Variants in EBF2 observed in about 807,000 individuals in gnomAD.
The protein encoded by EBF2 is EBF transcription factor 2.
EBF2 carries 21 observed loss-of-function variants against 72.8 expected under a neutral mutation model. The ratio of observed to expected loss-of-function variants is 0.29; its 90% CI spans 0.20 to 0.42. The LOEUF (loss-of-function observed/expected upper bound fraction) is 0.42, where lower values mean the gene tolerates loss of function less well. Ranked by LOEUF, EBF2 falls within the 10% of genes least tolerant of loss-of-function variation. EBF2 has a pLI of 1.00. For missense variants in EBF2, 637 were observed against 731.2 expected, an observed-to-expected ratio of 0.87 and a Z score of 1.49; for synonymous variants, 299 against 274.2, an observed-to-expected ratio of 1.09 and a Z score of -0.89.
intron 7 of EBF2, among the ~76,000 whole-genome samples, chr8:25,903,066 T>C (rs377240297): frequency 3.3e-5 from 5 of 152,214 alleles, no homozygotes; most frequent in Admixed American, 6.5e-5. Context: ...ATGTATTTAA[T>C]TTTTATGGAT....
chr8:26,022,615 G>A (rs530331934), intron 6 of EBF2, among the ~76,000 whole-genome samples: 95 of 152,228 alleles, frequency 6.2e-4, no homozygotes, highest in African/African-American at 1.2e-3. Flanking sequence ...CATCACATCC[G>A]TGGAGTTAGG....
chr8:25,867,905 T>C (rs1563381981), intron 10 of EBF2, among the ~76,000 whole-genome samples: 1 of 152,200 alleles, frequency 6.6e-6, no homozygotes, highest in Admixed American at 6.5e-5. Flanking sequence ...AAATCATCCA[T>C]TTCATCAAGA....
chr8:25,863,636 C>A lies in EBF2; in HGVS notation c.1010-839G>T, dbSNP rs78914337. ...AAGATACAAAGAATGAAATAATCAC[C>A]TGCACTGCTGTTATGCAGCAATAAA... On this transcript the variant is annotated intron_variant, in intron 10 of 15. Transcript: ENST00000520164. Among the ~76,000 whole-genome samples the A allele has an allele frequency of 2.4e-3, 367 of 152,164 alleles. 4 individuals carry two copies. Among genetic ancestry groups the A allele is most frequent in the African/African-American group, 8.4e-3 (350 of 41,514 alleles).
At chr8:26,019,582 C>A (rs527510458) in intron 6 of EBF2, among the ~76,000 whole-genome samples, 21 of 152,284 alleles carry the variant, frequency 1.4e-4, no homozygotes, top group Admixed American at 7.8e-4. Context: ...CTGGTTATGG[C>A]CCTGTACAGA....
chr8:25,856,121 A>T (rs538656296), intron 14 of EBF2, among the ~76,000 whole-genome samples: 1 of 152,306 alleles, frequency 6.6e-6, no homozygotes, highest in Non-Finnish European at 1.5e-5. Flanking sequence ...TAAGAAATTC[A>T]CACCTAACTG....
At chr8:25,860,969 C>G in intron 13 of EBF2, 80 bp downstream of exon 13, 1 of 1,525,842 alleles carries the variant, frequency 6.6e-7, no homozygotes, top group Non-Finnish European at 9.1e-7. Flanking sequence ...ACCATTATGA[C>G]CCAACCTCTG....
chr8:25,878,242 C>T (rs182510269), intron 10 of EBF2, among the ~76,000 whole-genome samples: 18 of 152,310 alleles, frequency 1.2e-4, no homozygotes, highest in Admixed American at 1.0e-3. Context: ...TTTTTGTCCA[C>T]CTTGCCATTG....
At chr8:25,860,487 CT>C (rs57717365) in intron 13 of EBF2, among the ~76,000 whole-genome samples, 3,295 of 139,312 alleles carry the variant, frequency 0.024, 28 homozygotes, top group Non-Finnish European at 0.031. Context: ...ATACCCAATC[CT>C]TTTTTTTTTT....
intron 6 of EBF2, among the ~76,000 whole-genome samples, chr8:26,008,887 A>C (rs1417451697): frequency 6.6e-6 from 1 of 151,820 alleles, no homozygotes; most frequent in Non-Finnish European, 1.5e-5. Flanking sequence ...AATAAAAACA[A>C]CAACACATGC....
chr8:25,878,769 TC>T (rs1802562148), intron 10 of EBF2, among the ~76,000 whole-genome samples: 1 of 152,194 alleles, frequency 6.6e-6, no homozygotes, highest in Admixed American at 6.5e-5. Context: ...GATCCAGCCA[TC>T]CTTGATAGCA....
intron 6 of EBF2, among the ~76,000 whole-genome samples, chr8:25,918,139 C>A (rs752346486): frequency 1.3e-5 from 2 of 152,130 alleles, no homozygotes; most frequent in African/African-American, 4.8e-5. Flanking sequence ...GAGAAAGTGG[C>A]GGACAAAGTT....
At chr8:26,035,874 C>T (rs977295376) in intron 5 of EBF2, among the ~76,000 whole-genome samples, 1 of 152,070 alleles carries the variant, frequency 6.6e-6, no homozygotes, top group South Asian at 2.1e-4. Flanking sequence ...GTCTCTCTTC[C>T]CAAATCCCTA....
intron 5 of EBF2, among the ~76,000 whole-genome samples, chr8:26,036,285 G>A (rs1040150428): frequency 6.6e-6 from 1 of 152,292 alleles, no homozygotes; most frequent in Middle Eastern, 3.4e-3. Flanking sequence ...GTATAATGTA[G>A]GGAAAGAACT....
chr8:26,041,029 C>T, intron 2 of EBF2, 27 bp from the exon 3 acceptor site: 1 of 1,613,132 alleles, frequency 6.2e-7, no homozygotes, highest in Non-Finnish European at 8.5e-7. Context: ...CGTTCGATTC[C>T]CTTGCCTTTC....
intron 6 of EBF2, among the ~76,000 whole-genome samples, chr8:25,922,927 G>A (rs887856287): frequency 1.3e-5 from 2 of 150,056 alleles, no homozygotes; most frequent in African/African-American, 4.9e-5. Context: ...TCCCTACACA[G>A]TGAATAATGG....
chr8:25,911,463 G>A (rs1803130043), intron 6 of EBF2, among the ~76,000 whole-genome samples: 1 of 152,138 alleles, frequency 6.6e-6, no homozygotes, highest in Admixed American at 6.5e-5. Flanking sequence ...ACCTTCAGAT[G>A]GCAATCCGGT....
chr8:26,024,840 G>A (rs898969661), intron 6 of EBF2, among the ~76,000 whole-genome samples: 4 of 152,060 alleles, frequency 2.6e-5, no homozygotes, highest in African/African-American at 9.7e-5. Context: ...AAGGGGAGAG[G>A]TATTATTAAC....
At chr8:25,862,892 G>T in intron 10 of EBF2, 95 bp from the exon 11 acceptor site, 2 of 776,546 alleles carry the variant, frequency 2.6e-6, no homozygotes, top group South Asian at 3.1e-5. Context: ...GGTTCTGGAT[G>T]CATAATGGAT....
intron 15 of EBF2, among the ~76,000 whole-genome samples, chr8:25,846,530 A>G (rs1178369922): frequency 6.6e-6 from 1 of 152,132 alleles, no homozygotes; most frequent in Non-Finnish European, 1.5e-5. Flanking sequence ...TCTACAAAAA[A>G]TACAAAACAG....
Sources: gnomAD v4.1 joint callset for allele counts (sites outside exome capture counted in the v4.1 genomes callset) on GRCh38, gnomAD v4.1.1 for gene constraint, MANE v1.5 for transcripts, NCBI Gene and HGNC (gene_info 2026-07-23, HGNC 2026-07-21) for gene names.